KLRD1: variants seen among roughly 807,000 people sequenced by gnomAD.
KLRD1 encodes the protein killer cell lectin like receptor D1.
In KLRD1, 21 loss-of-function variants were observed where a neutral mutation model predicts 22.6. That is an observed-to-expected ratio of 0.93 (90% CI 0.66 to 1.34). The LOEUF (loss-of-function observed/expected upper bound fraction) is 1.34. Ranked by LOEUF, KLRD1 falls within the 40% of genes most tolerant of loss-of-function variation. The pLI is 0.00. For missense variants in KLRD1, 183 were observed against 208.6 expected (o/e 0.88, Z 0.76); for synonymous variants, 59 against 71.1 (o/e 0.83, Z 0.85).
At chr12:10,253,335 G>A (rs186624368) in intron 1 of KLRD1, among the ~76,000 whole-genome samples, 1 of 152,242 alleles carries the variant, frequency 6.6e-6, no homozygotes, top group African/African-American at 2.4e-5. Flanking sequence ...CTTTTTAAAT[G>A]CTCTTTAATG....
chr12:10,304,820 A>G (rs1949899208), upstream of KLRD1, among the ~76,000 whole-genome samples: 1 of 152,180 alleles, frequency 6.6e-6, no homozygotes, highest in Non-Finnish European at 1.5e-5. Context: ...TATATAAGAA[A>G]CCACTATAGC....
In KLRD1 at chr12:10,316,165, G is replaced by A. The variant is rs183162548; in HGVS notation, c.*1372G>A. On this transcript the variant is annotated 3_prime_UTR_variant, in exon 6 of 6. Transcript: ENST00000336164. ...GATGAAAGGATTTGGAACCTTAATT[G>A]CATCTGAAAAACTGCCTCACCTTTG... The A allele has an allele frequency of 6.9e-6, 1 of 144,580 alleles. No individual in the cohort carries two copies. Among genetic ancestry groups the A allele is most frequent in the Admixed American group, 7.0e-5 (1 of 14,372 alleles). 9.0% of individuals were successfully genotyped at this position (144,580 alleles called of 1,614,324 possible).
Position 10,320,200 on chromosome 12 carries a change from AAC to A in KLRD1, c.*5408_*5409del, listed in dbSNP as rs1472085555. 1 of 151,884 alleles carries A rather than the reference AAC, an allele frequency of 6.6e-6. No homozygotes were observed. Among genetic ancestry groups the A allele is most frequent in the Non-Finnish European group, 1.5e-5 (1 of 67,964 alleles). The allele number at this position is 151,884 out of a possible 1,614,324, so 9.4% of individuals were successfully genotyped here. A position where few individuals can be genotyped will look rare whatever the true frequency, so the allele number is the denominator to read the frequency against. On this transcript the variant is annotated 3_prime_UTR_variant, in exon 6 of 6. Transcript: ENST00000336164. ...TTATTCTTTTAAGTCACTAAATATTAACGTGTCACATAGCAATAATCAATACA... is the reference window on the plus strand; with the variant it reads ...TTATTCTTTTAAGTCACTAAATATTAGTGTCACATAGCAATAATCAATACA...
At position 10,313,452 on chromosome 12, in the gene KLRD1, T is replaced by C; in HGVS notation, c.358T>C (p.Ser120Pro). The C allele has an allele frequency of 6.2e-7, 1 of 1,609,988 alleles. No individual in the cohort carries two copies. The highest frequency in any genetic ancestry group is 8.5e-7 in the Non-Finnish European group (1 of 1,177,938). ...SSQQFYWIGL[S>P]YSEEHTAWLW... is the part of the protein sequence containing the mutation. ...TCAACAATTTTACTGGATTGGACTC[T>C]CTTACAGTGAGGAGCACACCGCCTG... The change falls in exon 5 of 6, where the codon TCT becomes CCT. Residue 120 changes from serine to proline, a missense_variant. By Grantham distance (74) the Ser-to-Pro change is moderately conservative. Transcript: ENST00000336164.
intron 1 of KLRD1, among the ~76,000 whole-genome samples, chr12:10,244,813 C>G (rs1949275889): frequency 6.6e-6 from 1 of 150,930 alleles, no homozygotes; most frequent in East Asian, 2.0e-4. Flanking sequence ...AAAAAAAAAA[C>G]CAAAACAAAC....
chr12:10,309,659 C>T lies in KLRD1; in HGVS notation c.134C>T (p.Thr45Ile). ...AAACTGAGTATTGAGCCAGCATTTA[C>T]TCCAGGACCCAACATAGAACTCCAG... is the stretch of plus-strand genomic sequence containing the variant. ...FTKLSIEPAFTPGPNIELQKD... is the reference protein window; with the variant it reads ...FTKLSIEPAFIPGPNIELQKD... Residue 45 changes from threonine to isoleucine, a missense_variant, in exon 3 of 6, where the codon ACT (threonine) becomes ATT (isoleucine). Thr to Ile is a moderately conservative substitution (Grantham distance 89). Transcript: ENST00000336164. 2.5e-6 allele frequency: 4 copies of T among 1,613,180 alleles called. No individual in the cohort carries two copies. Among genetic ancestry groups the T allele is most frequent in the Admixed American group, 1.7e-5 (1 of 60,014 alleles).
intron 1 of KLRD1, among the ~76,000 whole-genome samples, chr12:10,239,559 C>CTTTCTT (rs1565443438): frequency 1.5e-4 from 17 of 116,264 alleles, no homozygotes; most frequent in African/African-American, 7.7e-4. Context: ...TTCTTTCTTT[C>CTTTCTT]TTTCTTTCTT....
intron 1 of KLRD1, among the ~76,000 whole-genome samples, chr12:10,255,903 C>A (rs902219301): frequency 3.3e-5 from 5 of 152,048 alleles, no homozygotes; most frequent in African/African-American, 1.2e-4. Context: ...TTGTTTTTTG[C>A]ATTATTGGAC....
At chr12:10,267,000 G>A (rs1394997579) in intron 1 of KLRD1, among the ~76,000 whole-genome samples, 4 of 150,488 alleles carry the variant, frequency 2.7e-5, no homozygotes, top group African/African-American at 9.8e-5. Flanking sequence ...TGTTACATAT[G>A]TATACATGTG....
At chr12:10,239,181 T>G (rs4600303) in intron 1 of KLRD1, among the ~76,000 whole-genome samples, 1 of 152,214 alleles carries the variant, frequency 6.6e-6, no homozygotes, top group East Asian at 1.9e-4. Flanking sequence ...TCTAATGGGC[T>G]GGTGGCCAAG....
chr12:10,309,125 T>C lies in KLRD1; in HGVS notation c.8-263T>C, dbSNP rs1246624375. Reference sequence around the variant, plus strand: ...TTTAAGCACCTCTGCCAATTTAAAATAAATGGTAAATTCACTTTACTGCAA... The same window carrying C: ...TTTAAGCACCTCTGCCAATTTAAAACAAATGGTAAATTCACTTTACTGCAA... On this transcript the variant is annotated intron_variant, in intron 1 of 5. Transcript: ENST00000336164. The C allele has an allele frequency of 1.6e-5, 5 of 306,522 alleles. No individual in the cohort carries two copies. In the East Asian group the frequency reaches 1.8e-4, roughly 11 times the overall value. 19.0% of individuals were successfully genotyped at this position (306,522 alleles called of 1,614,324 possible).
At chr12:10,278,823 C>A (rs112686653) in intron 1 of KLRD1, among the ~76,000 whole-genome samples, 1,813 of 152,056 alleles carry the variant, frequency 0.012, 36 homozygotes, top group African/African-American at 0.042. Flanking sequence ...CCTGTATGAA[C>A]AACTTTCTTC....
rs1188213511 is a variant in KLRD1 at position 10,317,528 on chromosome 12, T to C, written c.*2735T>C. 1 of 152,196 alleles carries C rather than the reference T, an allele frequency of 6.6e-6. No individual in the cohort carries two copies. 9.4% of individuals were successfully genotyped at this position (152,196 alleles called of 1,614,324 possible). A position where few individuals can be genotyped will look rare whatever the true frequency, so the allele number is the denominator to read the frequency against. ...CTGCAGCATACAGCATAAACACTAT[T>C]CCATAAAATCCTAAGCAAGCCTTTG... On this transcript the variant is annotated 3_prime_UTR_variant, in exon 6 of 6. Coordinates refer to ENST00000336164, the MANE Select transcript of KLRD1 (RefSeq NM_002262.5).
At chr12:10,267,364 C>G (rs1191364896) in intron 1 of KLRD1, among the ~76,000 whole-genome samples, 1 of 151,904 alleles carries the variant, frequency 6.6e-6, no homozygotes, top group Non-Finnish European at 1.5e-5. Context: ...AATAAAGTAT[C>G]ATAGTCTTTT....
At chr12:10,240,301 T>C (rs1399778889) in intron 1 of KLRD1, among the ~76,000 whole-genome samples, 2 of 152,088 alleles carry the variant, frequency 1.3e-5, no homozygotes, top group Non-Finnish European at 2.9e-5. Flanking sequence ...GCTCAAGCGA[T>C]CTGCCCGCTT....
At chr12:10,302,128 T>C (rs1280034103), upstream of KLRD1, among the ~76,000 whole-genome samples, 1 of 152,206 alleles carries the variant, frequency 6.6e-6, no homozygotes, top group African/African-American at 2.4e-5. Context: ...TAAATTAATT[T>C]GACAGTTGCA....
At chr12:10,266,460 A>G (rs980321417) in intron 1 of KLRD1, among the ~76,000 whole-genome samples, 1 of 152,048 alleles carries the variant, frequency 6.6e-6, no homozygotes, top group Non-Finnish European at 1.5e-5. Flanking sequence ...TTTTAAAAAA[A>G]TTCTTTGTAT....
intron 1 of KLRD1, among the ~76,000 whole-genome samples, chr12:10,267,615 C>T (rs1483417616): frequency 1.3e-5 from 2 of 152,100 alleles, no homozygotes; most frequent in African/African-American, 4.8e-5. Context: ...CATAAGATAT[C>T]ATAACAGAGA....
At chr12:10,246,928 C>CTTTTTTTTTTTTTTTTTTTTTTTTT (rs1208226436) in intron 1 of KLRD1, among the ~76,000 whole-genome samples, 5 of 129,684 alleles carry the variant, frequency 3.9e-5, no homozygotes, top group East Asian at 5.2e-4. Flanking sequence ...CTTTTCTTTT[C>CTTTTTTTTTTTTTTTTTTTTTTTTT]TTTTCTTTTT....
Sources: allele counts gnomAD v4.1 joint callset (sites outside exome capture counted in the v4.1 genomes callset), GRCh38; gene constraint gnomAD v4.1.1; transcripts MANE v1.5; gene names NCBI Gene and HGNC (gene_info 2026-07-23, HGNC 2026-07-21).